SLC41A3: variants seen among roughly 807,000 people sequenced by gnomAD.
The protein encoded by SLC41A3 is SLC41A1-like 2.
SLC41A3 carries 44 observed loss-of-function variants against 45.4 expected under a neutral mutation model. The ratio of observed to expected loss-of-function variants is 0.97; its 90% CI spans 0.76 to 1.25. The LOEUF (loss-of-function observed/expected upper bound fraction) is 1.25, where lower values mean the gene tolerates loss of function less well. Ranked by LOEUF, SLC41A3 falls within the 50% of genes most tolerant of loss-of-function variation. The pLI is 0.00. For missense variants in SLC41A3, 550 were observed against 600.6 expected (o/e 0.92, Z 0.88); for synonymous variants, 256 against 252.4 (o/e 1.01, Z -0.13).
intron 1 of SLC41A3, among the ~76,000 whole-genome samples, chr3:126,079,979 TCTC>T (rs1459645517): frequency 6.6e-6 from 1 of 152,060 alleles, no homozygotes; most frequent in African/African-American, 2.4e-5. Flanking sequence ...GAAAGGACAG[TCTC>T]CTCAATAGAT....
chr3:126,009,102 A>C (rs1939435292), intron 9 of SLC41A3, among the ~76,000 whole-genome samples: 1 of 152,242 alleles, frequency 6.6e-6, no homozygotes, highest in African/African-American at 2.4e-5. Flanking sequence ...TCAAGTAAGC[A>C]GAAATAAAAA....
intron 1 of SLC41A3, among the ~76,000 whole-genome samples, chr3:126,091,956 C>A (rs1945495060): frequency 1.3e-5 from 2 of 152,202 alleles, no homozygotes; most frequent in Admixed American, 1.3e-4. Flanking sequence ...GCACATCCAA[C>A]TCTCCTCCTT....
chr3:126,055,854 T>C (rs1003797457), intron 2 of SLC41A3, among the ~76,000 whole-genome samples: 4 of 152,058 alleles, frequency 2.6e-5, no homozygotes, highest in Admixed American at 2.6e-4. Context: ...CCTTGTCCTT[T>C]TTTACCAGGG....
chr3:126,016,871 A>C lies in SLC41A3; in HGVS notation c.750T>G (p.Ser250Arg). The change falls in exon 7 of 11, where the codon AGT becomes AGG. Residue 250 changes from serine to arginine, a missense_variant. By Grantham distance (110) the Ser-to-Arg change is moderately radical. Transcript: ENST00000360370. The part of the protein sequence containing the change: ...VSSFFYRHKD[S>R]RYLTPLVCLS... The stretch of plus-strand genomic sequence containing the variant: ...GGCAGACCAGCGGCGTCAGATACCG[A>C]CTATCTGAAAGGAGAACAGGGACAC... 4 of 1,611,930 alleles carry C rather than the reference A, an allele frequency of 2.5e-6. No homozygotes were observed. Among genetic ancestry groups the C allele is most frequent in the Non-Finnish European group, 3.4e-6 (4 of 1,179,840 alleles).
intron 3 of SLC41A3, among the ~76,000 whole-genome samples, chr3:126,041,321 T>C (rs910851555): frequency 6.6e-6 from 1 of 152,266 alleles, no homozygotes; most frequent in South Asian, 2.1e-4. Flanking sequence ...AAGTTTTCTA[T>C]AGAGCTGAAG....
intron 1 of SLC41A3, chr3:126,095,044 T>C: frequency 2.3e-6 from 1 of 440,920 alleles, no homozygotes; most frequent in Non-Finnish European, 4.0e-6. Context: ...AGGCCAGATG[T>C]TATCAGTAGC....
Position 126,007,131 on chromosome 3 carries a change from C to T in SLC41A3, c.1349G>A (p.Gly450Glu). ...GCCAGTACCGAGCAGGTCCCCCAGC[C>T]CTGTAAGGTAGGGGATGCAGTGGTT... ...PDNHCIPYLT[G>E]LGDLLGTGLL... is the part of the protein sequence containing the mutation. The change falls in exon 11 of 11, where the codon GGG becomes GAG. Residue 450 changes from glycine to glutamate, a missense_variant. Coordinates refer to ENST00000360370, the MANE Select transcript of SLC41A3 (RefSeq NM_017836.4). 1 of 1,614,174 alleles carries T rather than the reference C, an allele frequency of 6.2e-7. No individual in the cohort carries two copies. Among genetic ancestry groups the T allele is most frequent in the Non-Finnish European group, 8.5e-7 (1 of 1,180,036 alleles).
chr3:126,074,690 T>G (rs940460525), intron 1 of SLC41A3, among the ~76,000 whole-genome samples: 1 of 152,052 alleles, frequency 6.6e-6, no homozygotes, highest in Non-Finnish European at 1.5e-5. Context: ...GTTTTTTTTT[T>G]GTTGTTTTGA....
chr3:126,024,793 G>C (rs1302412538), intron 5 of SLC41A3: 2 of 152,262 alleles, frequency 1.3e-5, no homozygotes, highest in Non-Finnish European at 2.9e-5. Flanking sequence ...ACCCAGGAGA[G>C]AGCTGGAGGA....
intron 8 of SLC41A3, 107 bp from the exon 9 acceptor site, chr3:126,012,856 G>T: frequency 6.7e-7 from 1 of 1,494,062 alleles, no homozygotes. Context: ...GGTTAATTCA[G>T]TATTTCATTA....
Position 126,006,628 on chromosome 3 carries a change from C to T in SLC41A3, c.*388G>A, listed in dbSNP as rs976619927. 9.1e-6 allele frequency: 14 copies of T among 1,542,120 alleles called. No individual in the cohort carries two copies. The highest frequency in any genetic ancestry group is 4.2e-5 in the African/African-American group (3 of 71,828). The stretch of plus-strand genomic sequence containing the variant: ...TGAGGCTTGGGAACAGAAAAGAGCT[C>T]CTTCCTGCTCCACCCCAATCTGGGT... On this transcript the variant is annotated 3_prime_UTR_variant, in exon 11 of 11. Transcript: ENST00000360370.
intron 3 of SLC41A3, among the ~76,000 whole-genome samples, chr3:126,050,099 C>T (rs1366133279): frequency 6.6e-6 from 1 of 152,188 alleles, no homozygotes; most frequent in Non-Finnish European, 1.5e-5. Context: ...GTCACCTCTG[C>T]AAGGGCCTCT....
chr3:126,040,852 C>T (rs966860609), intron 3 of SLC41A3, among the ~76,000 whole-genome samples: 4 of 152,132 alleles, frequency 2.6e-5, no homozygotes, highest in Non-Finnish European at 5.9e-5. Flanking sequence ...TGCACAAGCA[C>T]CTCTTCACTA....
chr3:126,020,192 G>A (rs530802512), intron 6 of SLC41A3, among the ~76,000 whole-genome samples: 17 of 152,228 alleles, frequency 1.1e-4, no homozygotes, highest in East Asian at 1.9e-4. Flanking sequence ...GCCAAGGAGC[G>A]CTGCACTGGG....
Position 126,007,053 on chromosome 3 carries a change from A to C in SLC41A3, c.1427T>G (p.Leu476Arg), listed in dbSNP as rs774885433. The C allele has an allele frequency of 6.2e-7, 1 of 1,614,226 alleles. No individual in the cohort carries two copies. The highest frequency in any genetic ancestry group is 1.3e-5 in the African/African-American group (1 of 75,074). The stretch of plus-strand genomic sequence containing the variant: ...AGATGCCAGTTCTGAGATGCCACCC[A>C]GCTCTGCCTTGCTCTTCAGTAGCCA... ...TDWLLKSKAELGGISELASGP... is the reference protein window; with the variant it reads ...TDWLLKSKAERGGISELASGP... Residue 476 changes from leucine (L) to arginine (R), a missense_variant, in exon 11 of 11, where the codon CTG becomes CGG. Coordinates refer to ENST00000360370, the MANE Select transcript of SLC41A3 (RefSeq NM_017836.4).
At chr3:126,041,709 C>T (rs959501257) in intron 3 of SLC41A3, among the ~76,000 whole-genome samples, 13 of 152,210 alleles carry the variant, frequency 8.5e-5, no homozygotes, top group Non-Finnish European at 1.8e-4. Flanking sequence ...AGAGGATGTA[C>T]TCAATCAAAA....
chr3:126,095,439 G>T, intron 1 of SLC41A3: 1 of 491,704 alleles, frequency 2.0e-6, no homozygotes, highest in South Asian at 2.9e-5. Context: ...CAGTCACAAT[G>T]AGTAATTTAA....
Position 126,067,971 on chromosome 3 carries a change from G to A in SLC41A3, c.249C>T (p.Ala83=), listed in dbSNP as rs200237693. Residue 83 remains alanine (A), a synonymous_variant, in exon 2 of 11, where the codon GCC becomes GCT. Coordinates refer to ENST00000360370, the MANE Select transcript of SLC41A3 (RefSeq NM_017836.4). ...CCTGGAAATAGTCCAGAAGCATGCC[G>A]GCCCAGGACAGTCCCAGGCCTGCAA... is the stretch of plus-strand genomic sequence containing the variant. ...FMFAGLGLSW[A]GMLLDYFQHW... is the part of the protein sequence containing the mutation. 29 of 1,607,568 alleles carry A rather than the reference G, an allele frequency of 1.8e-5. No individual in the cohort carries two copies. The highest frequency in any genetic ancestry group is 5.4e-5 in the African/African-American group (4 of 74,588).
At chr3:126,046,061 A>C (rs9875498) in intron 3 of SLC41A3, among the ~76,000 whole-genome samples, 50,713 of 150,418 alleles carry the variant, frequency 0.34, 9,452 homozygotes, top group African/African-American at 0.5. Context: ...AAAAAAAAAA[A>C]ACACCCAACA....
Sources: gnomAD v4.1 joint callset for allele counts (sites outside exome capture counted in the v4.1 genomes callset) on GRCh38, gnomAD v4.1.1 for gene constraint, MANE v1.5 for transcripts, NCBI Gene and HGNC (gene_info 2026-07-23, HGNC 2026-07-21) for gene names.